The following STPG2 variants were observed in gnomAD, a reference collection of about 807,000 sequenced individuals.
STPG2 encodes sperm-tail PG-rich repeat-containing protein 2.
In STPG2, 56 loss-of-function variants were observed where a neutral mutation model predicts 54.2. The ratio of observed to expected loss-of-function variants is 1.03; its 90% CI spans 0.83 to 1.29. The LOEUF is 1.29. Among genes scored for constraint, STPG2 ranks in the 50% most tolerant of loss-of-function variants. The pLI, the probability that STPG2 is intolerant of heterozygous loss-of-function variation, is 0.00. For synonymous variants in STPG2, 200 were observed against 181.8 expected (o/e 1.10, Z -0.81); for missense variants, 596 against 544.9 (o/e 1.09, Z -0.93).
intron 8 of STPG2, among the ~76,000 whole-genome samples, chr4:97,849,282 C>G (rs914747558): frequency 4.6e-5 from 7 of 151,918 alleles, no homozygotes; most frequent in African/African-American, 1.2e-4. Flanking sequence ...GGAGTTCACT[C>G]ATGATTAAAC....
intron 7 of STPG2, among the ~76,000 whole-genome samples, chr4:97,949,482 T>C (rs1243724568): frequency 6.6e-6 from 1 of 152,140 alleles, no homozygotes; most frequent in Non-Finnish European, 1.5e-5. Context: ...TTTTCTTCAT[T>C]GTATTATTGT....
intron 4 of STPG2, among the ~76,000 whole-genome samples, chr4:97,513,410 T>A (rs1402487622): frequency 6.6e-6 from 1 of 152,056 alleles, no homozygotes; most frequent in Non-Finnish European, 1.5e-5. Flanking sequence ...ATCCTCCCCA[T>A]GCTTCCCAGA....
intron 4 of STPG2, among the ~76,000 whole-genome samples, chr4:97,532,694 G>A (rs1013332972): frequency 6.6e-6 from 1 of 152,148 alleles, no homozygotes. Flanking sequence ...TCACTAAAAT[G>A]TGCTTATACT....
intron 2 of STPG2, among the ~76,000 whole-genome samples, chr4:98,131,141 C>G (rs1431046518): frequency 6.6e-6 from 1 of 151,888 alleles, no homozygotes; most frequent in African/African-American, 2.4e-5. Flanking sequence ...TTCTTTTTAA[C>G]TACTATTTTT....
chr4:98,130,374 C>T (rs1457956172), intron 2 of STPG2, among the ~76,000 whole-genome samples: 2 of 152,094 alleles, frequency 1.3e-5, no homozygotes, highest in Non-Finnish European at 2.9e-5. Context: ...GACAGGGTTT[C>T]ACCATGTTGG....
At chr4:97,634,449 G>A (rs1476002275) in intron 10 of STPG2, among the ~76,000 whole-genome samples, 1 of 152,194 alleles carries the variant, frequency 6.6e-6, no homozygotes, top group East Asian at 1.9e-4. Context: ...TCCTCCAAAG[G>A]AAGGCAGCTC....
Position 97,944,535 on chromosome 4 carries a change from C to A in STPG2, c.934-528G>T, listed in dbSNP as rs552530075. 2.2e-4 allele frequency among the ~76,000 whole-genome samples: 33 copies of A among 151,940 alleles called. No homozygotes were observed. In the South Asian group the frequency reaches 3.1e-3, roughly 14 times the overall value. On this transcript the variant is annotated intron_variant, in intron 7 of 10. Coordinates refer to ENST00000295268, the MANE Select transcript of STPG2 (RefSeq NM_174952.3). ...TCTAGTAATGTAATATTTCAATGAG[C>A]AATTAATCCTTGTGATACTTTCTAT...
intron 4 of STPG2, among the ~76,000 whole-genome samples, chr4:97,484,494 TCTC>T (rs1319613968): frequency 6.6e-6 from 1 of 151,510 alleles, no homozygotes; most frequent in African/African-American, 2.4e-5. Context: ...AAAATACAAT[TCTC>T]CTAGCTTAAA....
At chr4:98,082,606 T>C (rs1456045395) in intron 5 of STPG2, among the ~76,000 whole-genome samples, 1 of 150,940 alleles carries the variant, frequency 6.6e-6, no homozygotes, top group Non-Finnish European at 1.5e-5. Context: ...CGCCCGCCAC[T>C]ACACCCGGAT....
chr4:97,982,204 A>G (rs1464605329), intron 5 of STPG2, among the ~76,000 whole-genome samples: 1 of 152,120 alleles, frequency 6.6e-6, no homozygotes, highest in Non-Finnish European at 1.5e-5. Context: ...TTTCATTTGA[A>G]AAGAATTTCA....
At chr4:97,710,664 G>C (rs1724084879) in intron 10 of STPG2, among the ~76,000 whole-genome samples, 1 of 151,958 alleles carries the variant, frequency 6.6e-6, no homozygotes, top group South Asian at 2.1e-4. Flanking sequence ...ACTTATTAAA[G>C]TCATGAGAGA....
intron 4 of STPG2, among the ~76,000 whole-genome samples, chr4:97,536,869 T>C (rs913592103): frequency 6.6e-6 from 1 of 152,166 alleles, no homozygotes; most frequent in Non-Finnish European, 1.5e-5. Context: ...AACACTGCTA[T>C]AAACAATGAA....
At chr4:97,587,522 GTAACAT>G (rs1416276834) in intron 10 of STPG2, among the ~76,000 whole-genome samples, 1 of 151,898 alleles carries the variant, frequency 6.6e-6, no homozygotes, top group Admixed American at 6.6e-5. Flanking sequence ...GATAATATAG[GTAACAT>G]TAACAGTTGA....
intron 4 of STPG2, among the ~76,000 whole-genome samples, chr4:97,507,424 T>C (rs1367290891): frequency 6.6e-6 from 1 of 152,052 alleles, no homozygotes; most frequent in East Asian, 1.9e-4. Context: ...CCAAAACTGA[T>C]TGCAGCTCTT....
chr4:97,941,330 T>A (rs1732976806), intron 8 of STPG2, among the ~76,000 whole-genome samples: 1 of 152,150 alleles, frequency 6.6e-6, no homozygotes, highest in African/African-American at 2.4e-5. Flanking sequence ...GGCATTCTGT[T>A]AAGCTCCTCA....
chr4:97,709,748 T>TA (rs1051142117), intron 10 of STPG2, among the ~76,000 whole-genome samples: 3 of 151,712 alleles, frequency 2.0e-5, no homozygotes, highest in African/African-American at 4.8e-5. Context: ...ATCTAAACCT[T>TA]AAAAAAACAG....
intron 4 of STPG2, among the ~76,000 whole-genome samples, chr4:97,552,413 A>G (rs1218336357): frequency 6.6e-6 from 1 of 152,100 alleles, no homozygotes; most frequent in Non-Finnish European, 1.5e-5. Flanking sequence ...ATGGGACAGT[A>G]AGTAATTTTT....
At chr4:97,771,567 T>G (rs984220819) in intron 9 of STPG2, among the ~76,000 whole-genome samples, 1 of 152,040 alleles carries the variant, frequency 6.6e-6, no homozygotes, top group Non-Finnish European at 1.5e-5. Flanking sequence ...TAGGTGAGCA[T>G]AGCTAGGCAC....
rs111520248 is a variant in STPG2, at chr4:97,931,051, T to C, written c.1044+12846A>G. 5.6e-3 allele frequency among the ~76,000 whole-genome samples: 854 copies of C among 152,362 alleles called. 5 individuals are homozygous for C. Among genetic ancestry groups the C allele is most frequent in the Middle Eastern group, 0.02 (6 of 294 alleles). On this transcript the variant is annotated intron_variant, in intron 8 of 10. Transcript: ENST00000295268. ...TTGATGTTATATCCTTAAATTTATC[T>C]GAAGTTTTCTATTAGCTGAAGGGGC... is the stretch of plus-strand genomic sequence containing the variant.
Sources: allele counts gnomAD v4.1 joint callset (sites outside exome capture counted in the v4.1 genomes callset), GRCh38; gene constraint gnomAD v4.1.1; transcripts MANE v1.5; gene names NCBI Gene and HGNC (gene_info 2026-07-23, HGNC 2026-07-21).